Variants in PTPRD observed in about 807,000 individuals in gnomAD.
PTPRD encodes protein tyrosine phosphatase receptor type D.
In PTPRD, 34 loss-of-function variants were observed where a neutral mutation model predicts 214.5. That is an observed-to-expected ratio of 0.16 (90% CI 0.12 to 0.21). The LOEUF is 0.21. Among genes scored for constraint, PTPRD ranks in the 10% least tolerant of loss-of-function variants. The probability of loss-of-function intolerance (pLI) is 1.00; values close to 1 mark genes in which losing one functional copy is unlikely to be tolerated. For missense variants in PTPRD, 2,545 were observed against 2,398.7 expected, an observed-to-expected ratio of 1.06 and a Z score of -1.27; for synonymous variants, 1,128 against 845.7, an observed-to-expected ratio of 1.33 and a Z score of -5.79.
chr9:9,864,480 T>C (rs1013026188), intron 5 of PTPRD, among the ~76,000 whole-genome samples: 2 of 152,082 alleles, frequency 1.3e-5, no homozygotes, highest in Admixed American at 6.5e-5. Flanking sequence ...AACACTAATA[T>C]ACAGTTTCTG....
intron 8 of PTPRD, among the ~76,000 whole-genome samples, chr9:9,554,720 T>C (rs149223512): frequency 0.017 from 2,514 of 152,006 alleles, 40 homozygotes; most frequent in Admixed American, 0.026. Context: ...TACTGAGAAA[T>C]AGAGATAAAA....
At chr9:10,533,041 A>G (rs2056829938) in intron 2 of PTPRD, among the ~76,000 whole-genome samples, 1 of 152,082 alleles carries the variant, frequency 6.6e-6, no homozygotes, top group South Asian at 2.1e-4. Flanking sequence ...CTCTCCAGAT[A>G]GGGTGAGTTC....
At chr9:9,224,524 G>T (rs1245653884) in intron 9 of PTPRD, among the ~76,000 whole-genome samples, 1 of 151,846 alleles carries the variant, frequency 6.6e-6, no homozygotes, top group Non-Finnish European at 1.5e-5. Flanking sequence ...AAATATCTCT[G>T]CTCTAGTTTA....
chr9:8,820,913 AATAAT>A (rs2097046572), intron 11 of PTPRD, among the ~76,000 whole-genome samples: 1 of 152,178 alleles, frequency 6.6e-6, no homozygotes, highest in Non-Finnish European at 1.5e-5. Flanking sequence ...TCTAACTCTT[AATAAT>A]ATGATGTCAT....
chr9:8,451,876 A>C (rs769939269), intron 33 of PTPRD: 1 of 499,948 alleles, frequency 2.0e-6, no homozygotes. Flanking sequence ...CTATCTGGGC[A>C]AGAAAACTAC....
chr9:9,940,742 C>G (rs2091227501), intron 4 of PTPRD, among the ~76,000 whole-genome samples: 1 of 152,118 alleles, frequency 6.6e-6, no homozygotes. Flanking sequence ...TCTAATTGAT[C>G]ATGTATTTTC....
chr9:9,758,583 C>T (rs1304051944), intron 6 of PTPRD, among the ~76,000 whole-genome samples: 3 of 152,160 alleles, frequency 2.0e-5, no homozygotes, highest in Admixed American at 2.0e-4. Context: ...CTACAACCAA[C>T]AAAGGAGAGA....
intron 5 of PTPRD, among the ~76,000 whole-genome samples, chr9:9,884,068 C>T (rs1382697880): frequency 1.3e-5 from 2 of 151,824 alleles, no homozygotes; most frequent in Admixed American, 6.6e-5. Context: ...AAATATTTAC[C>T]TAGACAATGA....
At chr9:9,639,293 G>T (rs970691124) in intron 7 of PTPRD, among the ~76,000 whole-genome samples, 2 of 152,210 alleles carry the variant, frequency 1.3e-5, no homozygotes, top group Non-Finnish European at 2.9e-5. Context: ...CTAGTTTAGT[G>T]CCTACATTTT....
intron 36 of PTPRD, among the ~76,000 whole-genome samples, chr9:8,392,100 T>C (rs149884910): frequency 1.3e-5 from 2 of 152,110 alleles, no homozygotes; most frequent in Admixed American, 6.6e-5. Flanking sequence ...AATTTAGGAA[T>C]TGGGCAAAGT....
At chr9:9,894,901 G>C (rs2074518970) in intron 5 of PTPRD, among the ~76,000 whole-genome samples, 1 of 151,834 alleles carries the variant, frequency 6.6e-6, no homozygotes, top group African/African-American at 2.4e-5. Context: ...AAGAACAAAA[G>C]AGCCAGAAAT....
chr9:10,543,844 A>ATAGGGT (rs1781427020), intron 2 of PTPRD, among the ~76,000 whole-genome samples: 1 of 152,184 alleles, frequency 6.6e-6, no homozygotes, highest in South Asian at 2.1e-4. Flanking sequence ...TAAAATACAG[A>ATAGGGT]TAGGGTTTGA....
In PTPRD at chr9:8,484,358, T is replaced by C; in HGVS notation, c.3174A>G (p.Lys1058=). Residue 1058 remains lysine (K), a synonymous_variant, in exon 30 of 46, where the codon AAA becomes AAG. Transcript: ENST00000381196. Reference sequence around the variant, plus strand: ...CTCGGCCATCCACTTCTTCTACCATTTTCCCATCATCATAAAGAATCTAAA... The same window carrying C: ...CTCGGCCATCCACTTCTTCTACCATCTTCCCATCATCATAAAGAATCTAAA... ...MPFKILYDDG[K]MVEEVDGRAT... The C allele has an allele frequency of 6.2e-7, 1 of 1,613,794 alleles. No homozygotes were observed. Among genetic ancestry groups the C allele is most frequent in the Non-Finnish European group, 8.5e-7 (1 of 1,179,854 alleles).
chr9:8,453,988 T>C (rs947586093), intron 33 of PTPRD, among the ~76,000 whole-genome samples: 25 of 152,216 alleles, frequency 1.6e-4, no homozygotes, highest in African/African-American at 6.0e-4. Flanking sequence ...TATATGAATA[T>C]ATAGATATGA....
intron 5 of PTPRD, among the ~76,000 whole-genome samples, chr9:9,775,683 C>G (rs546237988): frequency 6.6e-6 from 1 of 152,280 alleles, no homozygotes; most frequent in South Asian, 2.1e-4. Flanking sequence ...GTGGCTCACG[C>G]CTGTAATCCC....
At chr9:10,383,848 T>C (rs923064828) in intron 2 of PTPRD, among the ~76,000 whole-genome samples, 1 of 151,784 alleles carries the variant, frequency 6.6e-6, no homozygotes, top group Non-Finnish European at 1.5e-5. Context: ...CTGATATCAT[T>C]TGGAAATGGG....
chr9:10,224,219 G>A (rs908948833), intron 3 of PTPRD, among the ~76,000 whole-genome samples: 1 of 151,812 alleles, frequency 6.6e-6, no homozygotes, highest in African/African-American at 2.4e-5. Flanking sequence ...TTTAAAATAA[G>A]ATAGTATATA....
At chr9:9,576,320 G>C (rs1029160252) in intron 7 of PTPRD, among the ~76,000 whole-genome samples, 1 of 152,092 alleles carries the variant, frequency 6.6e-6, no homozygotes, top group African/African-American at 2.4e-5. Context: ...TTCTCTTTTT[G>C]ATGAAATGTT....
intron 2 of PTPRD, among the ~76,000 whole-genome samples, chr9:10,465,711 A>G (rs2098988906): frequency 1.3e-5 from 2 of 152,232 alleles, no homozygotes; most frequent in Non-Finnish European, 2.9e-5. Context: ...ACAGGCTTGT[A>G]GCCTAGAAGA....
Sources: gnomAD v4.1 joint callset for allele counts (sites outside exome capture counted in the v4.1 genomes callset) on GRCh38, gnomAD v4.1.1 for gene constraint, MANE v1.5 for transcripts, NCBI Gene and HGNC (gene_info 2026-07-23, HGNC 2026-07-21) for gene names.